ZNF79: variants seen among roughly 807,000 people sequenced by gnomAD.
ZNF79 encodes ZNFpT7.
Under a neutral mutation model 14.9 loss-of-function variants are expected in ZNF79, and 13 were observed. The ratio of observed to expected loss-of-function variants is 0.87; its 90% CI spans 0.57 to 1.38. The LOEUF (loss-of-function observed/expected upper bound fraction) is 1.38, where lower values mean the gene tolerates loss of function less well. Ranked by LOEUF, ZNF79 falls within the 40% of genes most tolerant of loss-of-function variation. The pLI, the probability that ZNF79 is intolerant of heterozygous loss-of-function variation, is 0.00. For synonymous variants in ZNF79, 223 were observed against 235.1 expected (o/e 0.95, Z 0.47); for missense variants, 631 against 630.6 (o/e 1.00, Z -0.01).
intron 1 of ZNF79, among the ~76,000 whole-genome samples, chr9:127,425,498 C>G (rs1469035877): frequency 1.3e-5 from 2 of 152,228 alleles, no homozygotes; most frequent in Non-Finnish European, 2.9e-5. Context: ...CCTAGATCAA[C>G]TGTATTTGGT....
rs1487575421 is a variant in ZNF79 at position 127,434,970 on chromosome 9, C to T, written c.106-120C>T. ...CGCACCTGGCCATTTTCTTCAACTACCCAGAGACCTGAATCTTTTCAAAGA... is the reference window on the plus strand; with the variant it reads ...CGCACCTGGCCATTTTCTTCAACTATCCAGAGACCTGAATCTTTTCAAAGA... On this transcript the variant is annotated intron_variant, in intron 2 of 4. Coordinates refer to ENST00000342483, the MANE Select transcript of ZNF79 (RefSeq NM_007135.3). 3 of 1,265,386 alleles carry T rather than the reference C, an allele frequency of 2.4e-6. No homozygotes were observed. The African/African-American group carries it at 4.6e-5, about 19-fold the overall frequency. 78.4% of individuals were successfully genotyped at this position (1,265,386 alleles called of 1,614,324 possible).
At chr9:127,440,507 G>A (rs145650460) in intron 4 of ZNF79, among the ~76,000 whole-genome samples, 355 of 152,298 alleles carry the variant, frequency 2.3e-3, no homozygotes, top group African/African-American at 8.1e-3. Flanking sequence ...GGGGCCACTG[G>A]AGCCATGGTA....
chr9:127,433,714 C>T (rs1408687667), intron 2 of ZNF79, among the ~76,000 whole-genome samples: 1 of 152,194 alleles, frequency 6.6e-6, no homozygotes, highest in African/African-American at 2.4e-5. Flanking sequence ...CCACCTTAAA[C>T]TCTGTGGGCC....
intron 2 of ZNF79, among the ~76,000 whole-genome samples, chr9:127,433,069 A>G (rs1833888480): frequency 6.6e-6 from 1 of 152,050 alleles, no homozygotes; most frequent in South Asian, 2.1e-4. Flanking sequence ...GGCATGAGCC[A>G]TCGTGCCTGG....
intron 4 of ZNF79, 121 bp downstream of exon 4, chr9:127,436,124 G>C (rs1833944524): frequency 1.3e-6 from 1 of 783,858 alleles, no homozygotes; most frequent in East Asian, 2.7e-5. Flanking sequence ...CCATTCTACA[G>C]ATGAGGAAAT....
chr9:127,437,280 T>TTGTTGACAC (rs1833965928), intron 4 of ZNF79, among the ~76,000 whole-genome samples: 1 of 151,926 alleles, frequency 6.6e-6, no homozygotes, highest in South Asian at 2.1e-4. Context: ...CTACTCATGC[T>TTGTTGACAC]TGTTGACACT....
intron 4 of ZNF79, among the ~76,000 whole-genome samples, chr9:127,443,472 A>C (rs962996520): frequency 3.9e-5 from 6 of 152,186 alleles, no homozygotes; most frequent in Non-Finnish European, 5.9e-5. Flanking sequence ...ATTAAGTATT[A>C]TGTGCTGTAC....
At position 127,443,188 on chromosome 9, in the gene ZNF79, C is replaced by T. The variant is rs375919598; in HGVS notation, c.329-841C>T. On this transcript the variant is annotated intron_variant, in intron 4 of 4. Transcript: ENST00000342483. ...GGTGTGGTGGCTCACACCTATAATC[C>T]CCAGCACTTTGGGAGGCTGAGGCAG... 8.9e-4 allele frequency among the ~76,000 whole-genome samples: 135 copies of T among 152,088 alleles called. 1 individual carries two copies. Among genetic ancestry groups the T allele is most frequent in the African/African-American group, 3.2e-3 (132 of 41,478 alleles).
rs146997632 is a variant in ZNF79 at position 127,431,339 on chromosome 9, C to T, written c.105+2419C>T. On this transcript the variant is annotated intron_variant, in intron 2 of 4. Transcript: ENST00000342483. ...TGGCACAATCTCAGCTCACTGCAGC[C>T]TCCACCCCCCCAATGCTCAAGCGAT... Among the ~76,000 whole-genome samples the T allele has an allele frequency of 1.6e-3, 238 of 151,836 alleles. 4 individuals carry two copies. In the East Asian group the frequency reaches 0.04, roughly 25 times the overall value.
At chr9:127,430,619 A>G (rs111988059) in intron 2 of ZNF79, among the ~76,000 whole-genome samples, 422 of 152,322 alleles carry the variant, frequency 2.8e-3, no homozygotes, top group Admixed American at 5.2e-3. Flanking sequence ...TTATGGCTGC[A>G]TCGTATTCCA....
At chr9:127,427,442 A>G (rs923438648) in intron 1 of ZNF79, among the ~76,000 whole-genome samples, 1 of 151,584 alleles carries the variant, frequency 6.6e-6, no homozygotes, top group African/African-American at 2.4e-5. Flanking sequence ...AAAAAACACA[A>G]AACATACACA....
In ZNF79 at chr9:127,428,270, C is replaced by CT. The variant is rs1833797300; in HGVS notation, c.17-562_17-561insT. On this transcript the variant is annotated intron_variant, in intron 1 of 4. Transcript: ENST00000342483. ...TGCTGGGATTACAGGCATAAGCCAC[C>CT]GCACCTAGCCAAGAGTTACTTCTTA... is the stretch of plus-strand genomic sequence containing the variant. 5.3e-5 allele frequency among the ~76,000 whole-genome samples: 8 copies of CT among 152,188 alleles called. No homozygotes were observed. In the East Asian group the frequency reaches 1.5e-3, roughly 29 times the overall value.
At chr9:127,436,591 C>A (rs1833951773) in intron 4 of ZNF79, among the ~76,000 whole-genome samples, 1 of 152,236 alleles carries the variant, frequency 6.6e-6, no homozygotes, top group Non-Finnish European at 1.5e-5. Flanking sequence ...CACCCACGTA[C>A]AGCTGCTCTC....
chr9:127,425,039 A>AAATCACGCAGTCTGAGGTC, intron 1 of ZNF79: 1 of 1,059,558 alleles, frequency 9.4e-7, no homozygotes, highest in Non-Finnish European at 1.3e-6. Flanking sequence ...AGGACCTCAG[A>AAATCACGCAGTCTGAGGTC]CTGCGTGATT....
At chr9:127,430,680 G>T (rs1471795955) in intron 2 of ZNF79, among the ~76,000 whole-genome samples, 1 of 152,150 alleles carries the variant, frequency 6.6e-6, no homozygotes, top group Non-Finnish European at 1.5e-5. Flanking sequence ...ACCACCATTG[G>T]CAGGCACCTG....
At chr9:127,443,372 G>GCCA (rs1191257013) in intron 4 of ZNF79, among the ~76,000 whole-genome samples, 6 of 152,154 alleles carry the variant, frequency 3.9e-5, no homozygotes, top group African/African-American at 1.4e-4. Flanking sequence ...CTGTGACTGT[G>GCCA]CCACCGCCCT....
chr9:127,438,143 T>TC (rs1833982320), intron 4 of ZNF79, among the ~76,000 whole-genome samples: 1 of 151,890 alleles, frequency 6.6e-6, no homozygotes, highest in South Asian at 2.1e-4. Flanking sequence ...ACTGAGGTTT[T>TC]CCCCCACACA....
chr9:127,428,781 G>A (rs374740184), intron 1 of ZNF79, 51 bp from the exon 2 acceptor site: 3 of 1,449,000 alleles, frequency 2.1e-6, no homozygotes, highest in East Asian at 2.5e-5. Flanking sequence ...GTGAGAACTG[G>A]TGACTTCATA....
intron 4 of ZNF79, among the ~76,000 whole-genome samples, chr9:127,439,317 T>C (rs1183193510): frequency 6.6e-6 from 1 of 152,098 alleles, no homozygotes; most frequent in South Asian, 2.1e-4. Flanking sequence ...CACCACTGAA[T>C]TATGTAGTCA....
Sources: gnomAD v4.1 joint callset for allele counts (sites outside exome capture counted in the v4.1 genomes callset) on GRCh38, gnomAD v4.1.1 for gene constraint, MANE v1.5 for transcripts, NCBI Gene and HGNC (gene_info 2026-07-23, HGNC 2026-07-21) for gene names.